Variants in DCBLD2 observed in about 807,000 individuals in gnomAD.
DCBLD2 encodes the protein discoidin, CUB and LCCL domain containing 2.
Under a neutral mutation model 86.8 loss-of-function variants are expected in DCBLD2, and 54 were observed. The ratio of observed to expected loss-of-function variants is 0.62; its 90% CI spans 0.50 to 0.78. DCBLD2 has a LOEUF of 0.78. Among genes scored for constraint, DCBLD2 ranks in the 30% least tolerant of loss-of-function variants. DCBLD2 has a pLI of 0.00. For missense variants in DCBLD2, 908 were observed against 954.2 expected (o/e 0.95, Z 0.64); for synonymous variants, 354 against 341.3 (o/e 1.04, Z -0.41).
At chr3:98,864,759 C>T (rs915449681) in intron 2 of DCBLD2, among the ~76,000 whole-genome samples, 2 of 152,032 alleles carry the variant, frequency 1.3e-5, no homozygotes, top group Non-Finnish European at 2.9e-5. Context: ...ATGTAAATGA[C>T]GAGTTAATGG....
chr3:98,805,257 G>C (rs1941813366), intron 13 of DCBLD2, among the ~76,000 whole-genome samples: 1 of 151,996 alleles, frequency 6.6e-6, no homozygotes, highest in South Asian at 2.1e-4. Flanking sequence ...AAAAGATAAT[G>C]AGTGTTGAAG....
At chr3:98,818,448 TA>T (rs1258190130) in intron 8 of DCBLD2, among the ~76,000 whole-genome samples, 1 of 152,000 alleles carries the variant, frequency 6.6e-6, no homozygotes, top group Admixed American at 6.6e-5. Context: ...AACACTACCT[TA>T]AAAAAAGAGT....
intron 9 of DCBLD2, among the ~76,000 whole-genome samples, chr3:98,816,615 G>A (rs2107441707): frequency 6.6e-6 from 1 of 152,228 alleles, no homozygotes; most frequent in East Asian, 1.9e-4. Context: ...AAGCAGAGGA[G>A]TTAAGATGCA....
Position 98,830,520 on chromosome 3 carries a change from T to C in DCBLD2, c.572-5154A>G, listed in dbSNP as rs535451770. The stretch of plus-strand genomic sequence containing the variant: ...TCCTTTCTACATTGTTTATTTTTGT[T>C]AGCTTTGTCGAAGATCAGGTGGTTG... On this transcript the variant is annotated intron_variant, in intron 3 of 15. Transcript: ENST00000326840. 5.9e-5 allele frequency among the ~76,000 whole-genome samples: 9 copies of C among 152,340 alleles called. No homozygotes were observed. In the South Asian group the frequency reaches 1.9e-3, roughly 32 times the overall value.
At chr3:98,852,299 T>G (rs1464577589) in intron 2 of DCBLD2, among the ~76,000 whole-genome samples, 3 of 151,222 alleles carry the variant, frequency 2.0e-5, no homozygotes, top group African/African-American at 7.3e-5. Flanking sequence ...CAGGCTGGAG[T>G]ACAGTGGCGT....
At chr3:98,830,968 C>T (rs1315532793) in intron 3 of DCBLD2, among the ~76,000 whole-genome samples, 1 of 152,066 alleles carries the variant, frequency 6.6e-6, no homozygotes, top group Admixed American at 6.6e-5. Context: ...CAGTTAGCTG[C>T]ATTCCTAGGT....
At chr3:98,852,526 C>T (rs1269173683) in intron 2 of DCBLD2, among the ~76,000 whole-genome samples, 2 of 152,208 alleles carry the variant, frequency 1.3e-5, no homozygotes, top group Non-Finnish European at 2.9e-5. Context: ...GGATTACAGG[C>T]GTGAGCCACC....
intron 9 of DCBLD2, chr3:98,815,608 G>A (rs977223835): frequency 6.6e-6 from 1 of 152,062 alleles, no homozygotes; most frequent in African/African-American, 2.4e-5. Flanking sequence ...TATGACATAG[G>A]ATAACATTAG....
chr3:98,849,515 T>C lies in DCBLD2; in HGVS notation c.517A>G (p.Ile173Val). Residue 173 changes from isoleucine (I) to valine (V), a missense_variant, in exon 3 of 16, where the codon ATC becomes GTC. This residue lies in a region of DCBLD2 where 294 missense variants were observed against 256.0 expected (regional missense o/e 1.15). Coordinates refer to ENST00000326840, the MANE Select transcript of DCBLD2 (RefSeq NM_080927.4). Reference sequence around the variant, plus strand: ...AAAAATCCGCGTCCAGAAACATGGATTCCACTCATGAACAGCAATGTGATT... The same window carrying C: ...AAAAATCCGCGTCCAGAAACATGGACTCCACTCATGAACAGCAATGTGATT... Reference protein sequence around the residue: ...NEITLLFMSGIHVSGRGFLAS... With the variant: ...NEITLLFMSGVHVSGRGFLAS... 2.5e-6 allele frequency: 4 copies of C among 1,613,950 alleles called. No homozygotes were observed. Among genetic ancestry groups the C allele is most frequent in the Non-Finnish European group, 3.4e-6 (4 of 1,179,876 alleles).
chr3:98,854,353 T>C (rs974062404), intron 2 of DCBLD2, among the ~76,000 whole-genome samples: 4 of 152,186 alleles, frequency 2.6e-5, no homozygotes, highest in Non-Finnish European at 4.4e-5. Flanking sequence ...ATTAACCCCC[T>C]GCTTGGAGTG....
At chr3:98,827,998 A>G (rs1329500175) in intron 3 of DCBLD2, among the ~76,000 whole-genome samples, 3 of 152,228 alleles carry the variant, frequency 2.0e-5, no homozygotes, top group Non-Finnish European at 2.9e-5. Context: ...TTTTAGACAA[A>G]TGATGCTGAG....
At chr3:98,848,879 GTTA>G in intron 3 of DCBLD2, among the ~76,000 whole-genome samples, 1 of 152,178 alleles carries the variant, frequency 6.6e-6, no homozygotes, top group Non-Finnish European at 1.5e-5. Flanking sequence ...TTTTAAAAAT[GTTA>G]TTATAGGCCG....
rs544471549 is a variant in DCBLD2, at chr3:98,812,571, C to T, written c.1213-89G>A. 4 of 1,190,646 alleles carry T rather than the reference C, an allele frequency of 3.4e-6. No individual in the cohort carries two copies. The African/African-American group carries it at 6.2e-5, about 18-fold the overall frequency. 73.8% of individuals were successfully genotyped at this position (1,190,646 alleles called of 1,614,324 possible). ...CTTAAACATGTTTTTGTTCTTTGCT[C>T]TAGGCCTTAAATTACATCTGGAAAG... On this transcript the variant is annotated intron_variant, in intron 9 of 15. Transcript: ENST00000326840.
chr3:98,889,881 C>G (rs2107529257), intron 1 of DCBLD2, among the ~76,000 whole-genome samples: 1 of 152,070 alleles, frequency 6.6e-6, no homozygotes, highest in Non-Finnish European at 1.5e-5. Flanking sequence ...GGCCTTGGAT[C>G]TGCAGTTTTA....
intron 12 of DCBLD2, among the ~76,000 whole-genome samples, chr3:98,809,682 A>G (rs1465675582): frequency 6.6e-6 from 1 of 152,212 alleles, no homozygotes; most frequent in Non-Finnish European, 1.5e-5. Context: ...GAGAACAGAC[A>G]GAAGAGCTAC....
At chr3:98,870,803 AAGAAAGAAAGGT>A (rs2107512005) in intron 2 of DCBLD2, among the ~76,000 whole-genome samples, 1 of 140,410 alleles carries the variant, frequency 7.1e-6, no homozygotes, top group East Asian at 2.1e-4. Context: ...GAAAGAAAGA[AAGAAAGAAAGGT>A]AGGCAGGCAT....
chr3:98,881,895 T>A lies in DCBLD2; in HGVS notation c.206-128A>T, dbSNP rs1487047308. 3.2e-6 allele frequency: 3 copies of A among 924,804 alleles called. No individual in the cohort carries two copies. In the African/African-American group the frequency reaches 5.1e-5, roughly 16 times the overall value. 57.3% of individuals were successfully genotyped at this position (924,804 alleles called of 1,614,324 possible). A position where few individuals can be genotyped will look rare whatever the true frequency, so the allele number is the denominator to read the frequency against. On this transcript the variant is annotated intron_variant, in intron 1 of 15. Coordinates refer to ENST00000326840, the MANE Select transcript of DCBLD2 (RefSeq NM_080927.4). ...TTTATACCACCCATACTTTCTATTT[T>A]ATTTTTTTTAATGGACAAATAATTG...
chr3:98,799,232 T>C lies in DCBLD2; in HGVS notation c.*140A>G. 1.1e-6 allele frequency: 1 copy of C among 878,778 alleles called. No homozygotes were observed. Among genetic ancestry groups the C allele is most frequent in the Non-Finnish European group, 1.7e-6 (1 of 588,566 alleles). The allele number at this position is 878,778 out of a possible 1,614,324, so 54.4% of individuals were successfully genotyped here. On this transcript the variant is annotated 3_prime_UTR_variant, in exon 16 of 16. Transcript: ENST00000326840. ...AAGCAAGATGGCAAGATTAGTAGTT[T>C]CCTGTACCTCAGTCACCACATTTTC...
chr3:98,870,801 G>GAAAGAAAGAAAGAAAGAA (rs1559794653), intron 2 of DCBLD2, among the ~76,000 whole-genome samples: 2 of 149,666 alleles, frequency 1.3e-5, no homozygotes, highest in East Asian at 3.9e-4. Flanking sequence ...AAGAAAGAAA[G>GAAAGAAAGAAAGAAAGAA]AAAGAAAGAA....
Sources: gnomAD v4.1 joint callset for allele counts (sites outside exome capture counted in the v4.1 genomes callset) on GRCh38, gnomAD v4.1.1 for gene constraint, gnomAD v4.1.1 regional missense constraint, MANE v1.5 for transcripts, NCBI Gene and HGNC (gene_info 2026-07-23, HGNC 2026-07-21) for gene names.